Variants in PLXNA4 observed in about 807,000 individuals in gnomAD.
The protein encoded by PLXNA4 is plexin A4, also known as plexin-A4.
In PLXNA4, 44 loss-of-function variants were observed where a neutral mutation model predicts 191.8. That is an observed-to-expected ratio of 0.23 (90% CI 0.18 to 0.29). PLXNA4 has a LOEUF of 0.29. Among genes scored for constraint, PLXNA4 ranks in the 10% least tolerant of loss-of-function variants. The pLI is 1.00. For synonymous variants in PLXNA4, 1,082 were observed against 1,009.5 expected, an observed-to-expected ratio of 1.07 and a Z score of -1.36; for missense variants, 1,800 against 2,488.8, an observed-to-expected ratio of 0.72 and a Z score of 5.89.
chr7:132,447,550 G>T (rs1302486770), intron 3 of PLXNA4, among the ~76,000 whole-genome samples: 1 of 152,114 alleles, frequency 6.6e-6, no homozygotes, highest in African/African-American at 2.4e-5. Flanking sequence ...ACAAACAGAG[G>T]ATCTCTCATA....
intron 4 of PLXNA4, among the ~76,000 whole-genome samples, chr7:132,261,477 C>G (rs930174774): frequency 2.0e-5 from 3 of 152,250 alleles, no homozygotes; most frequent in Non-Finnish European, 4.4e-5. Context: ...TGCAGACACA[C>G]CACACTATTT....
rs151129741 is a variant in PLXNA4 at position 132,133,555 on chromosome 7, C to T, written c.5439-356G>A. ...TGTCTTGAGTTTCTCTAACGCCCCTCCCACAGACGCAAGGGATCTCCTCCA... is the reference window on the plus strand; with the variant it reads ...TGTCTTGAGTTTCTCTAACGCCCCTTCCACAGACGCAAGGGATCTCCTCCA... On this transcript the variant is annotated intron_variant, in intron 30 of 31. Coordinates refer to ENST00000321063, the MANE Select transcript of PLXNA4 (RefSeq NM_020911.2). Among the ~76,000 whole-genome samples the T allele has an allele frequency of 1.4e-4, 22 of 152,214 alleles. No individual in the cohort carries two copies. The South Asian group carries it at 1.5e-3, about 10-fold the overall frequency.
chr7:132,557,594 G>C (rs1289226614), intron 1 of PLXNA4, among the ~76,000 whole-genome samples: 2 of 149,246 alleles, frequency 1.3e-5, no homozygotes, highest in East Asian at 3.9e-4. Context: ...TGGACTTTTT[G>C]ACCAAAGACA....
Position 132,507,995 on chromosome 7 carries a change from G to A in PLXNA4, c.699C>T (p.Thr233=). Residue 233 remains threonine, a synonymous_variant, in exon 2 of 32, where the codon ACC becomes ACT. Coordinates refer to ENST00000321063, the MANE Select transcript of PLXNA4 (RefSeq NM_020911.2). The stretch of plus-strand genomic sequence containing the variant: ...TATCAAAGTCAGGGATGATGGTGAA[G>A]GTGTCCGAAGGGATCTTAATCATCG... ...VASMIKIPSD[T]FTIIPDFDIY... The A allele has an allele frequency of 6.2e-7, 1 of 1,614,216 alleles. No homozygotes were observed.
intron 13 of PLXNA4, among the ~76,000 whole-genome samples, chr7:132,197,271 C>G (rs1217946670): frequency 6.6e-6 from 1 of 151,936 alleles, no homozygotes; most frequent in Non-Finnish European, 1.5e-5. Flanking sequence ...GTACTTTTTC[C>G]AGGGAGTTAA....
At chr7:132,157,047 CTT>C (rs1411979805) in intron 25 of PLXNA4, among the ~76,000 whole-genome samples, 3 of 152,212 alleles carry the variant, frequency 2.0e-5, no homozygotes, top group African/African-American at 7.2e-5. Flanking sequence ...CCAGGCCTCT[CTT>C]TGTTTCTCTC....
intron 3 of PLXNA4, among the ~76,000 whole-genome samples, chr7:132,360,930 T>C (rs983547229): frequency 1.3e-5 from 2 of 152,236 alleles, no homozygotes; most frequent in African/African-American, 4.8e-5. Flanking sequence ...GCTTTGTTCT[T>C]AACCTGGCAT....
chr7:132,252,448 A>T (rs1238768379), intron 4 of PLXNA4, among the ~76,000 whole-genome samples: 2 of 151,392 alleles, frequency 1.3e-5, no homozygotes, highest in African/African-American at 4.9e-5. Context: ...AGTAGCTGGG[A>T]CTACAGGTGC....
rs147246774 is a variant in PLXNA4 at position 132,425,168 on chromosome 7, G to A, written c.1371+64124C>T. The stretch of plus-strand genomic sequence containing the variant: ...CTCAGGCCATGTCAATCTCTTCTAC[G>A]TCTCCCTAGTGCCAAGATAATAAGG... On this transcript the variant is annotated intron_variant, in intron 3 of 31. Coordinates refer to ENST00000321063, the MANE Select transcript of PLXNA4 (RefSeq NM_020911.2). Among the ~76,000 whole-genome samples the A allele has an allele frequency of 4.6e-3, 694 of 152,296 alleles. 2 individuals carry two copies. Among genetic ancestry groups the A allele is most frequent in the African/African-American group, 0.015 (633 of 41,562 alleles).
chr7:132,469,119 C>CAA (rs5887577), intron 3 of PLXNA4, among the ~76,000 whole-genome samples: 3 of 87,426 alleles, frequency 3.4e-5, no homozygotes, highest in African/African-American at 8.7e-5. Flanking sequence ...GCACACCAAC[C>CAA]AAAAAAAAAA....
chr7:132,204,149 C>T (rs927706901), intron 10 of PLXNA4, among the ~76,000 whole-genome samples: 3 of 151,590 alleles, frequency 2.0e-5, no homozygotes, highest in Non-Finnish European at 4.4e-5. Flanking sequence ...TGTTGTGCTC[C>T]TGTCCTCGGA....
intron 3 of PLXNA4, among the ~76,000 whole-genome samples, chr7:132,341,145 C>T (rs543446840): frequency 6.6e-6 from 1 of 152,288 alleles, no homozygotes; most frequent in Admixed American, 6.5e-5. Context: ...GACTCATAAC[C>T]TCCATCAGAA....
intron 1 of PLXNA4, among the ~76,000 whole-genome samples, chr7:132,565,982 G>A (rs55953646): frequency 0.073 from 11,084 of 152,164 alleles, 820 homozygotes; most frequent in African/African-American, 0.18. Context: ...AGTTGGGTTC[G>A]AACTCAGCTG....
chr7:132,589,405 A>G (rs1802564724), intron 2 of PLXNA4, among the ~76,000 whole-genome samples: 1 of 152,210 alleles, frequency 6.6e-6, no homozygotes, highest in African/African-American at 2.4e-5. Flanking sequence ...GTAAGAAATA[A>G]TGTTTATATA....
At chr7:132,470,802 T>C (rs956651547) in intron 3 of PLXNA4, among the ~76,000 whole-genome samples, 5 of 152,098 alleles carry the variant, frequency 3.3e-5, no homozygotes, top group African/African-American at 1.2e-4. Context: ...GGGTGGCCTT[T>C]AGAAGCTGAA....
At chr7:132,518,076 C>T (rs1799011223) in intron 1 of PLXNA4, among the ~76,000 whole-genome samples, 1 of 152,142 alleles carries the variant, frequency 6.6e-6, no homozygotes, top group African/African-American at 2.4e-5. Flanking sequence ...ATTCTATTTA[C>T]ACCCATCTAG....
chr7:132,567,438 G>A (rs1351524260), intron 1 of PLXNA4, among the ~76,000 whole-genome samples: 1 of 152,102 alleles, frequency 6.6e-6, no homozygotes, highest in Non-Finnish European at 1.5e-5. Flanking sequence ...ATGCTGGAGG[G>A]TAACTGAGGG....
intron 4 of PLXNA4, among the ~76,000 whole-genome samples, chr7:132,267,191 A>G (rs1383441894): frequency 6.6e-6 from 1 of 152,202 alleles, no homozygotes; most frequent in African/African-American, 2.4e-5. Flanking sequence ...CCCTGAGGAA[A>G]TTTCAGTCAT....
intron 4 of PLXNA4, among the ~76,000 whole-genome samples, chr7:132,243,679 A>G (rs1439353074): frequency 2.1e-5 from 1 of 47,852 alleles, no homozygotes; most frequent in African/African-American, 7.7e-5. Flanking sequence ...CCCCACCCCC[A>G]CCCCAATTCA....
Sources: gnomAD v4.1 joint callset for allele counts (sites outside exome capture counted in the v4.1 genomes callset) on GRCh38, gnomAD v4.1.1 for gene constraint, MANE v1.5 for transcripts, NCBI Gene and HGNC (gene_info 2026-07-23, HGNC 2026-07-21) for gene names.